The following RALYL variants were observed in gnomAD, a reference collection of about 807,000 sequenced individuals.
RALYL encodes the protein RALY RNA binding protein like, also known as RNA-binding Raly-like protein.
A neutral mutation model predicts 35.1 loss-of-function variants in RALYL; 29 were observed. The ratio of observed to expected loss-of-function variants is 0.83; its 90% CI spans 0.61 to 1.13. The LOEUF is 1.13. Among genes scored for constraint, RALYL ranks in the 50% most tolerant of loss-of-function variants. The pLI is 0.00. For missense variants in RALYL, 359 were observed against 360.4 expected (o/e 1.00, Z 0.03); for synonymous variants, 120 against 127.6 (o/e 0.94, Z 0.40).
chr8:84,713,764 CAA>C (rs1219726958), intron 2 of RALYL, among the ~76,000 whole-genome samples: 1 of 151,660 alleles, frequency 6.6e-6, no homozygotes, highest in Non-Finnish European at 1.5e-5. Context: ...TTAATTATCT[CAA>C]AGAGATATCT....
Position 84,646,155 on chromosome 8 carries a change from T to G in RALYL, c.256+116578T>G, listed in dbSNP as rs60252523. ...CTTAGCTTCCATTTCAAGCATCTTC[T>G]CTCTGACCCTTTTTCTTTTATTTTT... is the stretch of plus-strand genomic sequence containing the variant. On this transcript the variant is annotated intron_variant, in intron 2 of 8. Transcript: ENST00000521268. Among the ~76,000 whole-genome samples the G allele has an allele frequency of 5.2e-3, 797 of 152,044 alleles. 6 individuals carry two copies. The highest frequency in any genetic ancestry group is 0.018 in the African/African-American group (759 of 41,522).
intron 8 of RALYL, among the ~76,000 whole-genome samples, chr8:84,890,801 C>CA (rs10584780): frequency 5.2e-4 from 74 of 142,882 alleles, no homozygotes; most frequent in South Asian, 1.4e-3. Context: ...TCAGATAGTG[C>CA]AAAAAAAAAA....
intron 1 of RALYL, among the ~76,000 whole-genome samples, chr8:84,316,185 C>T (rs1843718322): frequency 6.6e-6 from 1 of 152,060 alleles, no homozygotes; most frequent in South Asian, 2.1e-4. Context: ...ACTTTGTTTG[C>T]TAACGATTTA....
Position 84,449,494 on chromosome 8 carries a change from A to T in RALYL, c.-23-79805A>T, listed in dbSNP as rs568427012. ...GTTGTTTGACTAAATCTAGGGGCTGAAAAAGGGATTTTCTCCTTTTAACTG... is the reference window on the plus strand; with the variant it reads ...GTTGTTTGACTAAATCTAGGGGCTGTAAAAGGGATTTTCTCCTTTTAACTG... On this transcript the variant is annotated intron_variant, in intron 1 of 8. Transcript: ENST00000521268. Among the ~76,000 whole-genome samples, 3 of 152,120 alleles carry T rather than the reference A, an allele frequency of 2.0e-5. No individual in the cohort carries two copies. In the East Asian group the frequency reaches 5.8e-4, roughly 30 times the overall value.
At chr8:84,202,734 T>G (rs1248699369) in intron 1 of RALYL, among the ~76,000 whole-genome samples, 1 of 152,174 alleles carries the variant, frequency 6.6e-6, no homozygotes, top group Non-Finnish European at 1.5e-5. Context: ...CTCTAACCAC[T>G]AGGAATTATG....
At chr8:84,788,590 A>G (rs1820089304) in intron 3 of RALYL, among the ~76,000 whole-genome samples, 2 of 152,206 alleles carry the variant, frequency 1.3e-5, no homozygotes, top group African/African-American at 4.8e-5. Context: ...AATCTTTAGT[A>G]CTAGACTGCT....
chr8:84,777,307 G>C (rs1586171722), intron 3 of RALYL, among the ~76,000 whole-genome samples: 1 of 152,166 alleles, frequency 6.6e-6, no homozygotes, highest in South Asian at 2.1e-4. Context: ...GATAGGGAAA[G>C]TAGAGATTTT....
At chr8:84,827,585 A>G (rs1278300898) in intron 4 of RALYL, among the ~76,000 whole-genome samples, 2 of 152,106 alleles carry the variant, frequency 1.3e-5, no homozygotes, top group Admixed American at 6.5e-5. Context: ...AAATCAATAA[A>G]ATCAAAACAG....
At chr8:84,533,870 T>C (rs2059425295) in intron 2 of RALYL, among the ~76,000 whole-genome samples, 1 of 152,180 alleles carries the variant, frequency 6.6e-6, no homozygotes, top group Non-Finnish European at 1.5e-5. Context: ...TTGAGAGAGA[T>C]ATAAGAACAA....
chr8:84,706,242 G>C (rs1007449384), intron 2 of RALYL, among the ~76,000 whole-genome samples: 5 of 152,130 alleles, frequency 3.3e-5, no homozygotes, highest in Non-Finnish European at 7.4e-5. Flanking sequence ...TGAGGGCAGA[G>C]GGGATAATTC....
chr8:84,761,417 T>C (rs1380375351), intron 2 of RALYL, among the ~76,000 whole-genome samples: 1 of 152,128 alleles, frequency 6.6e-6, no homozygotes, highest in Non-Finnish European at 1.5e-5. Flanking sequence ...AACCTAAATT[T>C]GTTTTAATTA....
intron 1 of RALYL, among the ~76,000 whole-genome samples, chr8:84,475,540 TAATC>T (rs1484406498): frequency 1.3e-5 from 2 of 152,208 alleles, no homozygotes; most frequent in African/African-American, 2.4e-5. Flanking sequence ...ACCTTTAGCT[TAATC>T]AAGGGCTAGA....
chr8:84,572,377 C>A (rs575307312), intron 2 of RALYL, among the ~76,000 whole-genome samples: 19 of 151,608 alleles, frequency 1.3e-4, no homozygotes, highest in African/African-American at 4.3e-4. Flanking sequence ...TGTGTAATTA[C>A]TTTTTGGGAT....
intron 1 of RALYL, among the ~76,000 whole-genome samples, chr8:84,461,032 A>G (rs964128543): frequency 1.3e-5 from 2 of 151,638 alleles, no homozygotes; most frequent in African/African-American, 4.8e-5. Context: ...AGCAATTTTT[A>G]TTCTTTGCAT....
At chr8:84,711,258 C>A (rs1490315675) in intron 2 of RALYL, among the ~76,000 whole-genome samples, 1 of 152,108 alleles carries the variant, frequency 6.6e-6, no homozygotes, top group African/African-American at 2.4e-5. Context: ...ACTGAAAAGT[C>A]CATTTCATTT....
chr8:84,794,427 G>A (rs1032067694), intron 3 of RALYL, among the ~76,000 whole-genome samples: 1 of 152,156 alleles, frequency 6.6e-6, no homozygotes, highest in African/African-American at 2.4e-5. Flanking sequence ...CCATTAGCAA[G>A]CAACTAAGAC....
chr8:84,557,124 A>G (rs1042882836), intron 2 of RALYL, among the ~76,000 whole-genome samples: 1 of 152,200 alleles, frequency 6.6e-6, no homozygotes, highest in Admixed American at 6.5e-5. Context: ...TTGTAGAGAT[A>G]TATTTTCACC....
intron 1 of RALYL, among the ~76,000 whole-genome samples, chr8:84,270,963 A>T (rs1264489104): frequency 1.3e-5 from 2 of 152,132 alleles, no homozygotes; most frequent in Admixed American, 1.3e-4. Context: ...TTCAGGAACT[A>T]AAATTATGAA....
At chr8:84,434,377 A>G (rs1378466026) in intron 1 of RALYL, among the ~76,000 whole-genome samples, 1 of 152,164 alleles carries the variant, frequency 6.6e-6, no homozygotes, top group African/African-American at 2.4e-5. Flanking sequence ...AGCACAAGGC[A>G]TAAATAACTT....
Sources: allele counts gnomAD v4.1 joint callset (sites outside exome capture counted in the v4.1 genomes callset), GRCh38; gene constraint gnomAD v4.1.1; transcripts MANE v1.5; gene names NCBI Gene and HGNC (gene_info 2026-07-23, HGNC 2026-07-21).